Variants in TTPAL observed in about 807,000 individuals in gnomAD.
TTPAL encodes the protein alpha-tocopherol transfer protein-like.
In TTPAL, 21 loss-of-function variants were observed where a neutral mutation model predicts 28.7. That is an observed-to-expected ratio of 0.73 (90% CI 0.52 to 1.06). The LOEUF is 1.06. TTPAL is among the 50% of genes least tolerant of loss of function. The pLI, the probability that TTPAL is intolerant of heterozygous loss-of-function variation, is 0.00. For synonymous variants in TTPAL, 169 were observed against 171.9 expected (o/e 0.98, Z 0.13); for missense variants, 345 against 425.5 (o/e 0.81, Z 1.67).
At chr20:44,482,382 C>T (rs971181307) in intron 2 of TTPAL, among the ~76,000 whole-genome samples, 19 of 149,390 alleles carry the variant, frequency 1.3e-4, no homozygotes, top group African/African-American at 3.9e-4. Flanking sequence ...GCCCCCGCCT[C>T]CCCCCAACCC....
At position 44,492,840 on chromosome 20, in the gene TTPAL, TG is replaced by T. The variant is rs1430164896; in HGVS notation, c.*3301del. 6.6e-6 allele frequency: 1 copy of T among 152,386 alleles called. No homozygotes were observed. The highest frequency in any genetic ancestry group is 2.4e-5 in the African/African-American group (1 of 41,476). The allele number at this position is 152,386 out of a possible 1,614,324, so 9.4% of individuals were successfully genotyped here. On this transcript the variant is annotated 3_prime_UTR_variant, in exon 5 of 5. Coordinates refer to ENST00000262605, the MANE Select transcript of TTPAL (RefSeq NM_001039199.3). ...ATGTCTTGAATTTCTAACTTGCTCT[TG>T]GCAAAGGTCGCTTTATTTTTTAATT... is the stretch of plus-strand genomic sequence containing the variant.
chr20:44,482,500 G>A (rs1446917235), intron 2 of TTPAL, among the ~76,000 whole-genome samples: 2 of 150,294 alleles, frequency 1.3e-5, no homozygotes, highest in East Asian at 2.0e-4. Context: ...TTGAACCCGG[G>A]AGGCAGAGGT....
At chr20:44,487,934 A>G (rs1473460056) in intron 4 of TTPAL, among the ~76,000 whole-genome samples, 2 of 152,064 alleles carry the variant, frequency 1.3e-5, no homozygotes, top group Admixed American at 6.5e-5. Flanking sequence ...ACGCACAGCT[A>G]ATTTTTGTAT....
intron 3 of TTPAL, 184 bp from the exon 4 acceptor site, chr20:44,486,412 G>C (rs1263272680): frequency 1.9e-5 from 9 of 484,888 alleles, no homozygotes; most frequent in Non-Finnish European, 3.7e-6. Flanking sequence ...CCCAGTTTTG[G>C]GTCCCAGGAA....
At chr20:44,476,167 G>A (rs1422484041) in intron 1 of TTPAL, among the ~76,000 whole-genome samples, 176 bp downstream of exon 1, 1 of 152,210 alleles carries the variant, frequency 6.6e-6, no homozygotes, top group Non-Finnish European at 1.5e-5. Context: ...CGGGATATGG[G>A]GTCTCGGGGG....
At chr20:44,489,183 T>C (rs1721861842) in intron 4 of TTPAL, 80 bp from the exon 5 acceptor site, 2 of 1,451,908 alleles carry the variant, frequency 1.4e-6, no homozygotes, top group Non-Finnish European at 1.9e-6. Context: ...AGATATTTAT[T>C]TGAGCACCTA....
In TTPAL at chr20:44,480,867, C is replaced by T. The variant is rs928783897; in HGVS notation, c.445+423C>T. On this transcript the variant is annotated intron_variant, in intron 2 of 4. Transcript: ENST00000262605. The surrounding 1 kb of genome is among the most constrained non-coding windows in gnomAD (Gnocchi z 4.1). ...AGTTAAATCTGGCACCCTCTCAGCT[C>T]TCAGGTTTGCCTGACCACCAAATTA... Among the ~76,000 whole-genome samples the T allele has an allele frequency of 6.6e-6, 1 of 152,242 alleles. No homozygotes were observed. The highest frequency in any genetic ancestry group is 1.5e-5 in the Non-Finnish European group (1 of 68,040).
chr20:44,491,977 T>G lies in TTPAL; in HGVS notation c.*2436T>G, dbSNP rs187097817. On this transcript the variant is annotated 3_prime_UTR_variant, in exon 5 of 5. Transcript: ENST00000262605. ...CCAGAAGGGACCTGGAGAGGCCTAT[T>G]TCTTAGGTTTTTCCAGTTGGACAAG... 8 of 152,472 alleles carry G rather than the reference T, an allele frequency of 5.2e-5. No homozygotes were observed. The highest frequency in any genetic ancestry group is 1.9e-4 in the African/African-American group (8 of 41,562). The allele number at this position is 152,472 out of a possible 1,614,324, so 9.4% of individuals were successfully genotyped here.
At chr20:44,479,411 T>G (rs6103749) in intron 1 of TTPAL, among the ~76,000 whole-genome samples, 3 of 51,414 alleles carry the variant, frequency 5.8e-5, no homozygotes, top group African/African-American at 1.7e-4. Flanking sequence ...TTTTTTTTTT[T>G]TTTTTTTTTT....
intron 2 of TTPAL, among the ~76,000 whole-genome samples, chr20:44,483,747 G>A (rs1270711418): frequency 1.3e-5 from 2 of 152,094 alleles, no homozygotes; most frequent in Non-Finnish European, 2.9e-5. Flanking sequence ...CTTGCCCAAG[G>A]TCACATAGCT....
chr20:44,489,233 CAT>C (rs1568774080), intron 4 of TTPAL, 28 bp from the exon 5 acceptor site: 4 of 1,600,378 alleles, frequency 2.5e-6, no homozygotes, highest in East Asian at 2.2e-5. Context: ...AACCTAAGGA[CAT>C]GTGTGTTTTC....
chr20:44,484,685 C>T (rs985257535), intron 3 of TTPAL, among the ~76,000 whole-genome samples, 155 bp downstream of exon 3: 2 of 152,188 alleles, frequency 1.3e-5, no homozygotes, highest in Admixed American at 6.5e-5. Flanking sequence ...TTTAAAAGTC[C>T]TATTTACCAC....
intron 4 of TTPAL, among the ~76,000 whole-genome samples, chr20:44,487,741 C>T (rs2064165368): frequency 6.6e-6 from 1 of 152,140 alleles, no homozygotes; most frequent in Non-Finnish European, 1.5e-5. Flanking sequence ...CTAGGAAGGT[C>T]ACTGCAAAGA....
rs1220555149 is a variant in TTPAL, at chr20:44,489,545, G to A, written c.*4G>A. ...ACAGCTGTACTCCTGCTACTAGCCC[G>A]TCCCCCAGGGTCACCATCTTTAATT... On this transcript the variant is annotated 3_prime_UTR_variant, in exon 5 of 5. Coordinates refer to ENST00000262605, the MANE Select transcript of TTPAL (RefSeq NM_001039199.3). 6.8e-6 allele frequency: 11 copies of A among 1,608,532 alleles called. No homozygotes were observed. Among genetic ancestry groups the A allele is most frequent in the Middle Eastern group, 1.7e-4 (1 of 6,018 alleles).
intron 2 of TTPAL, among the ~76,000 whole-genome samples, chr20:44,483,951 C>G: frequency 6.6e-6 from 1 of 152,170 alleles, no homozygotes; most frequent in South Asian, 2.1e-4. Flanking sequence ...CCCACCATAC[C>G]TGGCTAGTGT....
intron 1 of TTPAL, among the ~76,000 whole-genome samples, chr20:44,477,308 C>T (rs899674343): frequency 2.6e-5 from 4 of 152,216 alleles, no homozygotes; most frequent in African/African-American, 9.7e-5. Context: ...CCTGTGCCAA[C>T]CAGACTAAAG....
rs372703222 is a variant in TTPAL at position 44,484,566 on chromosome 20, G to A, written c.639+36G>A. 6 of 1,486,842 alleles carry A rather than the reference G, an allele frequency of 4.0e-6. No homozygotes were observed. In the African/African-American group the frequency reaches 4.1e-5, roughly 10 times the overall value. The allele number at this position is 1,486,842 out of a possible 1,614,324, so 92.1% of individuals were successfully genotyped here. A position where few individuals can be genotyped will look rare whatever the true frequency, so the allele number is the denominator to read the frequency against. On this transcript the variant is annotated intron_variant, in intron 3 of 4. Transcript: ENST00000262605. ...TATGTGTCCTGCCTGTTTCGTGGTGGCTCTGGCTTTCCCCAGGGCCTGTCC... is the reference window on the plus strand; with the variant it reads ...TATGTGTCCTGCCTGTTTCGTGGTGACTCTGGCTTTCCCCAGGGCCTGTCC...
intron 1 of TTPAL, among the ~76,000 whole-genome samples, chr20:44,477,110 G>C (rs1241331566): frequency 1.3e-5 from 2 of 152,276 alleles, no homozygotes; most frequent in East Asian, 3.9e-4. Context: ...AAGGATGATG[G>C]GTTATTAGTT....
rs911661590 is a variant in TTPAL at position 44,493,809 on chromosome 20, G to C, written c.*4268G>C. On this transcript the variant is annotated 3_prime_UTR_variant, in exon 5 of 5. Transcript: ENST00000262605. ...TAGAACTTTGGGAGGCTGAAGGGGG[G>C]GCGGATCATTTGAGGTCAGGAGTTT... The C allele has an allele frequency of 6.6e-6, 1 of 152,266 alleles. No homozygotes were observed. Among genetic ancestry groups the C allele is most frequent in the African/African-American group, 2.4e-5 (1 of 41,402 alleles). The allele number at this position is 152,266 out of a possible 1,614,324, so 9.4% of individuals were successfully genotyped here. A position where few individuals can be genotyped will look rare whatever the true frequency, so the allele number is the denominator to read the frequency against.
Sources: allele counts gnomAD v4.1 joint callset (sites outside exome capture counted in the v4.1 genomes callset), GRCh38; gene constraint gnomAD v4.1.1; non-coding constraint Gnocchi (gnomAD v3.1); transcripts MANE v1.5; gene names NCBI Gene and HGNC (gene_info 2026-07-23, HGNC 2026-07-21).